RAB3GAP1: variants seen among roughly 807,000 people sequenced by gnomAD.
RAB3GAP1 encodes the protein RAB3 GTPase activating protein catalytic subunit 1.
In RAB3GAP1, 86 loss-of-function variants were observed where a neutral mutation model predicts 130.7. The ratio of observed to expected loss-of-function variants is 0.66; its 90% CI spans 0.55 to 0.79. The LOEUF is 0.79. Ranked by LOEUF, RAB3GAP1 falls within the 30% of genes least tolerant of loss-of-function variation. The pLI, the probability that RAB3GAP1 is intolerant of heterozygous loss-of-function variation, is 0.00. For missense variants in RAB3GAP1, 1,029 were observed against 1,169.4 expected, an observed-to-expected ratio of 0.88 and a Z score of 1.75; for synonymous variants, 367 against 401.7, an observed-to-expected ratio of 0.91 and a Z score of 1.03.
rs11691847 is a variant in RAB3GAP1, at chr2:135,089,223, C to T, written c.151-1775C>T. Among the ~76,000 whole-genome samples the T allele has an allele frequency of 7.6e-3, 1,150 of 152,006 alleles. 35 individuals carry two copies. Among genetic ancestry groups the T allele is most frequent in the Admixed American group, 0.06 (922 of 15,254 alleles). On this transcript the variant is annotated intron_variant, in intron 3 of 23. Coordinates refer to ENST00000264158, the MANE Select transcript of RAB3GAP1 (RefSeq NM_012233.3). ...TGTAGATGTGTCGTGTTATTTCTGACGCCTCTGTTCTGTTCCCTTGGTCTA... is the reference window on the plus strand; with the variant it reads ...TGTAGATGTGTCGTGTTATTTCTGATGCCTCTGTTCTGTTCCCTTGGTCTA...
At chr2:135,126,116 T>C in intron 9 of RAB3GAP1, 65 bp from the exon 10 acceptor site, 2 of 1,192,872 alleles carry the variant, frequency 1.7e-6, no homozygotes, top group Admixed American at 3.5e-5. Context: ...TATAGTTTTC[T>C]AGAAGTATTA....
intron 3 of RAB3GAP1, among the ~76,000 whole-genome samples, chr2:135,061,172 G>A (rs957005246): frequency 1.3e-5 from 2 of 152,072 alleles, no homozygotes; most frequent in Non-Finnish European, 2.9e-5. Flanking sequence ...TTGCTGTGTA[G>A]TAAGTGATCT....
intron 2 of RAB3GAP1, among the ~76,000 whole-genome samples, chr2:135,054,995 A>G (rs1436829060): frequency 6.6e-6 from 1 of 152,224 alleles, no homozygotes; most frequent in Admixed American, 6.5e-5. Flanking sequence ...TCTTTTTATC[A>G]TTTGTTCATT....
Position 135,132,874 on chromosome 2 carries a change from AT to A in RAB3GAP1, c.1237-14del. Reference sequence around the variant, plus strand: ...AGGAAATGTGGTCTAAAATGTGATTATTTTTTTCCTTTCCTTCAAGTTCTTA... The same window carrying A: ...AGGAAATGTGGTCTAAAATGTGATTATTTTTTCCTTTCCTTCAAGTTCTTA... On this transcript the variant is annotated intron_variant, in intron 13 of 23. Coordinates refer to ENST00000264158, the MANE Select transcript of RAB3GAP1 (RefSeq NM_012233.3). 5.8e-6 allele frequency: 8 copies of A among 1,391,006 alleles called. No homozygotes were observed. Among genetic ancestry groups the A allele is most frequent in the South Asian group, 3.5e-5 (3 of 86,470 alleles). 86.2% of individuals were successfully genotyped at this position (1,391,006 alleles called of 1,614,324 possible).
At chr2:135,121,648 T>C (rs975614426) in intron 8 of RAB3GAP1, among the ~76,000 whole-genome samples, 2 of 152,210 alleles carry the variant, frequency 1.3e-5, no homozygotes, top group Non-Finnish European at 2.9e-5. Context: ...TTTTAAAATA[T>C]AAGAATTTTA....
chr2:135,173,335 AGAG>A (rs1415580587), downstream of RAB3GAP1, among the ~76,000 whole-genome samples: 1 of 151,886 alleles, frequency 6.6e-6, no homozygotes, highest in Non-Finnish European at 1.5e-5. Context: ...CGAGAAAGGA[AGAG>A]GAGGACAAAG....
chr2:135,176,057 T>C (rs1692994698), intron 24 of RAB3GAP1, among the ~76,000 whole-genome samples: 1 of 152,142 alleles, frequency 6.6e-6, no homozygotes, highest in African/African-American at 2.4e-5. Flanking sequence ...ATCCCCAAAA[T>C]ACGGTTTTTG....
intron 5 of RAB3GAP1, among the ~76,000 whole-genome samples, chr2:135,095,117 C>T (rs1475829554): frequency 2.0e-5 from 3 of 152,072 alleles, no homozygotes; most frequent in African/African-American, 4.8e-5. Flanking sequence ...GGCGTGATCT[C>T]GGCTCACTGC....
In RAB3GAP1 at chr2:135,137,156, A is replaced by G. The variant is rs953314200; in HGVS notation, c.1923+1224A>G. ...TTAAACAGCATGGGATATGAAGGAAATCCTCAGCAGTATTAATTTTGCATT... is the reference window on the plus strand; with the variant it reads ...TTAAACAGCATGGGATATGAAGGAAGTCCTCAGCAGTATTAATTTTGCATT... On this transcript the variant is annotated intron_variant, in intron 17 of 23. Coordinates refer to ENST00000264158, the MANE Select transcript of RAB3GAP1 (RefSeq NM_012233.3). The G allele has an allele frequency of 5.8e-5, 22 of 376,558 alleles. No individual in the cohort carries two copies. In the Admixed American group the frequency reaches 6.5e-4, roughly 11 times the overall value. The allele number at this position is 376,558 out of a possible 1,614,324, so 23.3% of individuals were successfully genotyped here.
At chr2:135,064,954 C>G (rs1689277909) in intron 3 of RAB3GAP1, among the ~76,000 whole-genome samples, 1 of 148,972 alleles carries the variant, frequency 6.7e-6, no homozygotes, top group Admixed American at 6.7e-5. Flanking sequence ...GTTTGCTTGG[C>G]TAGATTAAAA....
At chr2:135,146,504 C>G (rs1230995844) in intron 17 of RAB3GAP1, among the ~76,000 whole-genome samples, 1 of 151,980 alleles carries the variant, frequency 6.6e-6, no homozygotes, top group African/African-American at 2.4e-5. Context: ...GAGCCACCGC[C>G]CCTGACTCCA....
At chr2:135,090,073 A>G (rs904746391) in intron 3 of RAB3GAP1, among the ~76,000 whole-genome samples, 3 of 152,194 alleles carry the variant, frequency 2.0e-5, no homozygotes, top group African/African-American at 4.8e-5. Context: ...GCATCCCAGA[A>G]CTTAAAGTAT....
chr2:135,081,344 A>G (rs1230654299), intron 3 of RAB3GAP1, among the ~76,000 whole-genome samples: 60 of 93,958 alleles, frequency 6.4e-4, no homozygotes, highest in African/African-American at 3.5e-3. Flanking sequence ...ATATATATAT[A>G]TATATATATA....
At position 135,113,336 on chromosome 2, in the gene RAB3GAP1, C is replaced by T. The variant is rs1187084746; in HGVS notation, c.482+66C>T. 1.8e-5 allele frequency: 28 copies of T among 1,571,494 alleles called. No homozygotes were observed. The Middle Eastern group carries it at 6.8e-4, about 38-fold the overall frequency. ...TTTAACAATAATTTATGAAGGCAAA[C>T]AGTTATTAAATGTTAGCTTTTTAAC... On this transcript the variant is annotated intron_variant, in intron 6 of 23. Transcript: ENST00000264158.
chr2:135,143,692 G>T (rs555017040), intron 17 of RAB3GAP1, among the ~76,000 whole-genome samples: 25 of 151,872 alleles, frequency 1.6e-4, no homozygotes, highest in African/African-American at 4.8e-4. Context: ...TGAGTAGCTG[G>T]GACTACAGGT....
At chr2:135,110,266 T>G (rs1690759693) in intron 5 of RAB3GAP1, among the ~76,000 whole-genome samples, 1 of 152,076 alleles carries the variant, frequency 6.6e-6, no homozygotes, top group Admixed American at 6.6e-5. Flanking sequence ...CCCAAGCTGC[T>G]GGGACTACAG....
At chr2:135,087,484 G>A (rs1319911880) in intron 3 of RAB3GAP1, among the ~76,000 whole-genome samples, 1 of 152,116 alleles carries the variant, frequency 6.6e-6, no homozygotes, top group Non-Finnish European at 1.5e-5. Flanking sequence ...GGGAGAACTG[G>A]TGTGTTCACA....
chr2:135,130,329 T>C (rs1691495394), intron 12 of RAB3GAP1, among the ~76,000 whole-genome samples: 1 of 152,210 alleles, frequency 6.6e-6, no homozygotes, highest in South Asian at 2.1e-4. Context: ...GTTTTAGAGG[T>C]TAAATTTTGA....
At chr2:135,164,755 G>A (rs1692583558) in intron 23 of RAB3GAP1, 59 bp downstream of exon 23, 1 of 1,393,354 alleles carries the variant, frequency 7.2e-7, no homozygotes, top group Admixed American at 1.9e-5. Context: ...CTTGGGAAGA[G>A]GCTGTTTTAG....
Sources: allele counts gnomAD v4.1 joint callset (sites outside exome capture counted in the v4.1 genomes callset), GRCh38; gene constraint gnomAD v4.1.1; transcripts MANE v1.5; gene names NCBI Gene and HGNC (gene_info 2026-07-23, HGNC 2026-07-21).